The following OSBPL9 variants were observed in gnomAD, a reference collection of about 807,000 sequenced individuals.
The protein encoded by OSBPL9 is oxysterol-binding protein-related protein 9.
In OSBPL9, 40 loss-of-function variants were observed where a neutral mutation model predicts 106.6. That is an observed-to-expected ratio of 0.38 (90% CI 0.29 to 0.49). The LOEUF (loss-of-function observed/expected upper bound fraction) is 0.49. Among genes scored for constraint, OSBPL9 ranks in the 20% least tolerant of loss-of-function variants. The pLI is 0.97. For missense variants in OSBPL9, 609 were observed against 887.2 expected (o/e 0.69, Z 3.98); for synonymous variants, 269 against 295.4 (o/e 0.91, Z 0.92).
the OSBPL9 span, among the ~76,000 whole-genome samples, chr1:51,564,820 G>T: frequency 6.6e-6 from 1 of 152,194 alleles, no homozygotes; most frequent in Admixed American, 6.5e-5. Context: ...AGGGAGCATA[G>T]AGGCCTGCAG....
chr1:51,618,310 C>T (rs1184593994), intron 1 of OSBPL9, among the ~76,000 whole-genome samples: 1 of 152,278 alleles, frequency 6.6e-6, no homozygotes, highest in East Asian at 1.9e-4. Context: ...TGAGCCACCG[C>T]GTCCGGCCTT....
At chr1:51,637,449 G>T (rs1241949858) in intron 1 of OSBPL9, among the ~76,000 whole-genome samples, 5 of 152,018 alleles carry the variant, frequency 3.3e-5, no homozygotes, top group Admixed American at 3.3e-4. Context: ...CTCCAGCCTG[G>T]GCAACAAGAG....
At chr1:51,564,085 A>C in the OSBPL9 span, among the ~76,000 whole-genome samples, 3 of 150,094 alleles carry the variant, frequency 2.0e-5, no homozygotes, top group Admixed American at 2.0e-4. Context: ...GCAAGAAAGA[A>C]AAGAGAAGAA....
At chr1:51,529,684 C>A in the OSBPL9 span, among the ~76,000 whole-genome samples, 1 of 151,452 alleles carries the variant, frequency 6.6e-6, no homozygotes, top group African/African-American at 2.4e-5. Context: ...AATTCAATGG[C>A]GGAAAGAATA....
chr1:51,538,354 G>A, the OSBPL9 span, among the ~76,000 whole-genome samples: 2 of 152,144 alleles, frequency 1.3e-5, no homozygotes, highest in African/African-American at 4.8e-5. Context: ...CATCCATTCT[G>A]CTAACAAAAA....
chr1:51,600,507 A>G (rs996322226), intron 2 of OSBPL9, among the ~76,000 whole-genome samples: 1 of 152,198 alleles, frequency 6.6e-6, no homozygotes. Flanking sequence ...TCATTATTAT[A>G]TATTCATTAT....
chr1:51,774,087 G>C (rs972292223), intron 14 of OSBPL9, among the ~76,000 whole-genome samples: 6 of 152,050 alleles, frequency 3.9e-5, no homozygotes, highest in African/African-American at 1.4e-4. Context: ...GCAAGGGGGA[G>C]GCTAAATGAT....
At chr1:51,625,603 G>A (rs759419029) in intron 1 of OSBPL9, among the ~76,000 whole-genome samples, 1 of 150,964 alleles carries the variant, frequency 6.6e-6, no homozygotes, top group Non-Finnish European at 1.5e-5. Flanking sequence ...TCACCGCAAC[G>A]TCCAGCACCA....
At chr1:51,625,524 CTTCT>C (rs1230911355) in intron 1 of OSBPL9, among the ~76,000 whole-genome samples, 1 of 150,414 alleles carries the variant, frequency 6.6e-6, no homozygotes, top group Non-Finnish European at 1.5e-5. Context: ...TTATCTTCTT[CTTCT>C]TTTTTTTTTT....
At chr1:51,628,957 C>T (rs1037623240) in intron 1 of OSBPL9, among the ~76,000 whole-genome samples, 4 of 152,194 alleles carry the variant, frequency 2.6e-5, no homozygotes, top group Middle Eastern at 3.4e-3. Context: ...GGATTACAGG[C>T]CTGAGCTACC....
chr1:51,745,344 C>T (rs1052531400), intron 4 of OSBPL9, 192 bp from the exon 5 acceptor site: 5 of 722,084 alleles, frequency 6.9e-6, no homozygotes, highest in Admixed American at 3.6e-5. Flanking sequence ...AAGCAGTGCT[C>T]CAAGTTAATG....
intron 4 of OSBPL9, among the ~76,000 whole-genome samples, chr1:51,733,799 G>T (rs574815635): frequency 6.6e-6 from 1 of 151,768 alleles, no homozygotes; most frequent in Non-Finnish European, 1.5e-5. Flanking sequence ...AAAAAAGTGG[G>T]CAGACTTCCA....
intron 4 of OSBPL9, among the ~76,000 whole-genome samples, chr1:51,737,417 T>C (rs1030899757): frequency 6.6e-6 from 1 of 152,086 alleles, no homozygotes; most frequent in African/African-American, 2.4e-5. Context: ...TTTTAAAAAA[T>C]TAAACAACAT....
intron 2 of OSBPL9, among the ~76,000 whole-genome samples, chr1:51,599,364 T>C (rs149151615): frequency 1.3e-5 from 2 of 152,358 alleles, no homozygotes; most frequent in Non-Finnish European, 2.9e-5. Context: ...TGGAGTCTGT[T>C]CATTTTCTGT....
intron 1 of OSBPL9, among the ~76,000 whole-genome samples, chr1:51,650,175 A>G (rs1646427465): frequency 6.6e-6 from 1 of 152,168 alleles, no homozygotes; most frequent in Admixed American, 6.5e-5. Flanking sequence ...GACTAGGATT[A>G]TAATTGGCCC....
chr1:51,786,630 T>C lies in OSBPL9; in HGVS notation c.2000+13T>C, dbSNP rs1214528260. On this transcript the variant is annotated intron_variant, in intron 22 of 23. Coordinates refer to ENST00000428468, the MANE Select transcript of OSBPL9 (RefSeq NM_024586.6). ...ATGAATCCCGCAGGTAAGCCGACAT[T>C]GTTAAGTGGAACTATTGCTGCAGTG... The C allele has an allele frequency of 1.1e-5, 18 of 1,600,476 alleles. No individual in the cohort carries two copies. The highest frequency in any genetic ancestry group is 1.5e-5 in the Non-Finnish European group (18 of 1,168,350).
In OSBPL9 at chr1:51,729,807, T is replaced by TG. The variant is rs910079155; in HGVS notation, c.319-15723dup. On this transcript the variant is annotated intron_variant, in intron 4 of 23. Transcript: ENST00000428468. This position sits in a 1 kb window ranked among gnomAD's most constrained non-coding sequence, Gnocchi z 5.1. The stretch of plus-strand genomic sequence containing the variant: ...CGCCGGGGAGGGGACGGGAAAGGGG[T>TG]GGGGGGTGAAGGGGGTGAAGGGGGT... The TG allele has an allele frequency of 1.5e-5, 16 of 1,041,780 alleles. No individual in the cohort carries two copies. In the African/African-American group the frequency reaches 1.7e-4, roughly 11 times the overall value. 64.5% of individuals were successfully genotyped at this position (1,041,780 alleles called of 1,614,324 possible). A position where few individuals can be genotyped will look rare whatever the true frequency, so the allele number is the denominator to read the frequency against.
intron 1 of OSBPL9, among the ~76,000 whole-genome samples, chr1:51,595,299 C>A (rs970025519): frequency 6.6e-6 from 1 of 152,080 alleles, no homozygotes; most frequent in African/African-American, 2.4e-5. Flanking sequence ...TGGTTGAAGT[C>A]GCTCTCACTT....
At chr1:51,530,899 G>A in the OSBPL9 span, among the ~76,000 whole-genome samples, 3 of 148,842 alleles carry the variant, frequency 2.0e-5, no homozygotes, top group Non-Finnish European at 4.5e-5. Flanking sequence ...GCTTGAACCC[G>A]GGAGGCCGAG....
Sources: allele counts gnomAD v4.1 joint callset (sites outside exome capture counted in the v4.1 genomes callset), GRCh38; gene constraint gnomAD v4.1.1; non-coding constraint Gnocchi (gnomAD v3.1); transcripts MANE v1.5; gene names NCBI Gene and HGNC (gene_info 2026-07-23, HGNC 2026-07-21).